SEMA3A: variants seen among roughly 807,000 people sequenced by gnomAD.
The protein encoded by SEMA3A is semaphorin 3A.
A neutral mutation model predicts 97.9 loss-of-function variants in SEMA3A; 29 were observed. That is an observed-to-expected ratio of 0.30 (90% CI 0.22 to 0.40). The LOEUF (loss-of-function observed/expected upper bound fraction) is 0.40, where lower values mean the gene tolerates loss of function less well. SEMA3A is among the 10% of genes least tolerant of loss of function. SEMA3A has a pLI of 1.00. For missense variants in SEMA3A, 763 were observed against 951.3 expected, an observed-to-expected ratio of 0.80 and a Z score of 2.60; for synonymous variants, 321 against 323.7, an observed-to-expected ratio of 0.99 and a Z score of 0.09.
At chr7:84,410,208 C>G (rs1804223590) in intron 1 of SEMA3A, among the ~76,000 whole-genome samples, 1 of 151,956 alleles carries the variant, frequency 6.6e-6, no homozygotes. Context: ...TTCACACAAT[C>G]CTTTATACTT....
intron 2 of SEMA3A, among the ~76,000 whole-genome samples, chr7:84,339,850 T>G (rs1802121115): frequency 1.3e-5 from 2 of 152,144 alleles, no homozygotes; most frequent in South Asian, 4.1e-4. Context: ...TATAGCATCT[T>G]TAAGGAACAT....
At chr7:84,428,526 T>A (rs1804885333) in intron 1 of SEMA3A, among the ~76,000 whole-genome samples, 1 of 152,068 alleles carries the variant, frequency 6.6e-6, no homozygotes, top group Non-Finnish European at 1.5e-5. Flanking sequence ...AAACAAGCTT[T>A]TTTTGTATAT....
intron 3 of SEMA3A, among the ~76,000 whole-genome samples, chr7:84,296,472 T>C (rs937351071): frequency 6.6e-6 from 1 of 152,174 alleles, no homozygotes; most frequent in African/African-American, 2.4e-5. Flanking sequence ...TTCCATCAGG[T>C]CTCATTGCTT....
intron 1 of SEMA3A, among the ~76,000 whole-genome samples, chr7:84,140,631 T>C (rs939173252): frequency 6.6e-6 from 1 of 152,178 alleles, no homozygotes; most frequent in Non-Finnish European, 1.5e-5. Flanking sequence ...GTCTATATGA[T>C]GCCAAAACAT....
intron 3 of SEMA3A, among the ~76,000 whole-genome samples, chr7:84,248,176 A>G (rs946590874): frequency 1.3e-5 from 2 of 152,212 alleles, no homozygotes; most frequent in African/African-American, 4.8e-5. Context: ...TACTTAAAAT[A>G]TATATTTAAA....
chr7:84,203,106 G>A (rs1798394710), intron 3 of SEMA3A, among the ~76,000 whole-genome samples: 1 of 151,922 alleles, frequency 6.6e-6, no homozygotes, highest in African/African-American at 2.4e-5. Context: ...TTTGCATTAG[G>A]GACTCAGGAT....
At chr7:84,468,701 CAA>C (rs1205931817) in intron 1 of SEMA3A, among the ~76,000 whole-genome samples, 1 of 151,952 alleles carries the variant, frequency 6.6e-6, no homozygotes, top group Non-Finnish European at 1.5e-5. Context: ...AGGTGTGAGA[CAA>C]AGAGATTTCT....
intron 1 of SEMA3A, among the ~76,000 whole-genome samples, chr7:84,143,935 T>A (rs1796380588): frequency 7.1e-6 from 1 of 141,814 alleles, no homozygotes; most frequent in Non-Finnish European, 1.5e-5. Context: ...TCTCTCTCTC[T>A]CTCTCTCTCT....
chr7:84,028,161 T>C (rs1174401389), intron 6 of SEMA3A, among the ~76,000 whole-genome samples: 1 of 152,196 alleles, frequency 6.6e-6, no homozygotes, highest in South Asian at 2.1e-4. Context: ...TGTAAATTTA[T>C]AGAATCTAGG....
intron 2 of SEMA3A, among the ~76,000 whole-genome samples, chr7:84,365,104 A>T (rs1218974984): frequency 2.0e-5 from 3 of 151,570 alleles, no homozygotes; most frequent in Non-Finnish European, 4.4e-5. Flanking sequence ...GTAATATAGG[A>T]GATAAAGTCA....
chr7:84,128,890 G>A (rs1186721886), intron 3 of SEMA3A, among the ~76,000 whole-genome samples: 2 of 151,826 alleles, frequency 1.3e-5, no homozygotes, highest in Admixed American at 6.6e-5. Context: ...CAGCATCCCC[G>A]AGGGAAAAAT....
At chr7:84,231,195 C>T (rs1312249783) in intron 3 of SEMA3A, among the ~76,000 whole-genome samples, 1 of 151,986 alleles carries the variant, frequency 6.6e-6, no homozygotes, top group Admixed American at 6.6e-5. Flanking sequence ...TTCATTTACA[C>T]ATGGGTTTAA....
intron 2 of SEMA3A, among the ~76,000 whole-genome samples, chr7:84,350,928 T>A (rs907992616): frequency 6.6e-6 from 1 of 152,128 alleles, no homozygotes; most frequent in African/African-American, 2.4e-5. Context: ...GATTGCGAAG[T>A]GTAAAAGTAA....
At chr7:84,201,454 C>A (rs781687590) in intron 3 of SEMA3A, among the ~76,000 whole-genome samples, 1 of 151,832 alleles carries the variant, frequency 6.6e-6, no homozygotes, top group Non-Finnish European at 1.5e-5. Flanking sequence ...TATTTTTATT[C>A]CATATTGTCT....
At chr7:84,298,698 T>C (rs1386411077) in intron 3 of SEMA3A, among the ~76,000 whole-genome samples, 1 of 152,204 alleles carries the variant, frequency 6.6e-6, no homozygotes, top group Non-Finnish European at 1.5e-5. Flanking sequence ...AAGAACTTTC[T>C]ACATATTATC....
intron 5 of SEMA3A, among the ~76,000 whole-genome samples, chr7:84,055,085 G>T (rs1346777269): frequency 3.9e-5 from 6 of 152,084 alleles, no homozygotes; most frequent in African/African-American, 1.4e-4. Context: ...CTGCGTGCTG[G>T]GAGAACCACT....
intron 4 of SEMA3A, among the ~76,000 whole-genome samples, chr7:84,081,173 T>C (rs1794139387): frequency 6.6e-6 from 1 of 152,128 alleles, no homozygotes; most frequent in Non-Finnish European, 1.5e-5. Flanking sequence ...TATAGATCCA[T>C]ATTTAGAAGA....
intron 5 of SEMA3A, among the ~76,000 whole-genome samples, chr7:84,051,946 T>G (rs538813277): frequency 6.6e-6 from 1 of 150,838 alleles, no homozygotes; most frequent in East Asian, 2.0e-4. Flanking sequence ...GTCAAAGGCC[T>G]TTTCTGCATC....
intron 1 of SEMA3A, among the ~76,000 whole-genome samples, chr7:84,489,958 T>C (rs1246829124): frequency 1.3e-5 from 2 of 152,020 alleles, no homozygotes; most frequent in African/African-American, 4.8e-5. Context: ...AAATACAGTA[T>C]ATATACTTAT....
Sources: allele counts gnomAD v4.1 joint callset (sites outside exome capture counted in the v4.1 genomes callset), GRCh38; gene constraint gnomAD v4.1.1; transcripts MANE v1.5; gene names NCBI Gene and HGNC (gene_info 2026-07-23, HGNC 2026-07-21).